The following C2 variants were observed in gnomAD, a reference collection of about 807,000 sequenced individuals.
The protein encoded by C2 is complement C2, also known as C3/C5 convertase.
C2 carries 64 observed loss-of-function variants against 85.2 expected under a neutral mutation model. The observed-to-expected ratio is 0.75, with a 90% CI of 0.61 to 0.92. The LOEUF (loss-of-function observed/expected upper bound fraction) is 0.92. Among genes scored for constraint, C2 ranks in the 40% least tolerant of loss-of-function variants. The pLI is 0.00. For missense variants in C2, 820 were observed against 971.6 expected (o/e 0.84, Z 2.07); for synonymous variants, 311 against 370.8 (o/e 0.84, Z 1.85).
intron 1 of C2, among the ~76,000 whole-genome samples, chr6:31,912,237 G>A (rs1005769019): frequency 6.6e-6 from 1 of 152,122 alleles, no homozygotes; most frequent in Non-Finnish European, 1.5e-5. Context: ...TGAAGCAGTT[G>A]TACACCAGCC....
At chr6:31,934,029 G>A in intron 5 of C2, 64 bp downstream of exon 5, 2 of 1,557,324 alleles carry the variant, frequency 1.3e-6, no homozygotes, top group Non-Finnish European at 1.8e-6. Context: ...AGCAAGGGAG[G>A]ATGCAACCTT....
chr6:31,906,646 T>C (rs1042762015), intron 1 of C2, among the ~76,000 whole-genome samples: 1 of 151,900 alleles, frequency 6.6e-6, no homozygotes, highest in Non-Finnish European at 1.5e-5. Context: ...TGCTACCCTA[T>C]GTCATCCTTG....
At chr6:31,938,767 C>G (rs962452760) in intron 8 of C2, among the ~76,000 whole-genome samples, 5 of 152,160 alleles carry the variant, frequency 3.3e-5, no homozygotes, top group Non-Finnish European at 4.4e-5. Flanking sequence ...TCAAGCGATT[C>G]TCCTGCCTCC....
intron 1 of C2, among the ~76,000 whole-genome samples, chr6:31,913,236 G>A (rs1768245500): frequency 6.6e-6 from 1 of 151,950 alleles, no homozygotes; most frequent in African/African-American, 2.4e-5. Flanking sequence ...ATGCCACCAT[G>A]CCTGACTGTA....
In C2 at chr6:31,943,358, A is replaced by G. The variant is rs2151771287; in HGVS notation, c.1455+39A>G. 6.2e-7 allele frequency: 1 copy of G among 1,609,464 alleles called. No individual in the cohort carries two copies. Reference sequence around the variant, plus strand: ...GGGGCAGGGCTTGGATTCCAGAGGTAAAAGCGGCCATGGGCCAGACATACT... The same window carrying G: ...GGGGCAGGGCTTGGATTCCAGAGGTGAAAGCGGCCATGGGCCAGACATACT... On this transcript the variant is annotated intron_variant, in intron 11 of 17. Coordinates refer to ENST00000299367, the MANE Select transcript of C2 (RefSeq NM_000063.6). The surrounding 1 kb of genome is among the most constrained non-coding windows in gnomAD (Gnocchi z 6.4).
chr6:31,902,754 C>T (rs1314186714), intron 1 of C2, among the ~76,000 whole-genome samples: 1 of 152,112 alleles, frequency 6.6e-6, no homozygotes, highest in Non-Finnish European at 1.5e-5. Flanking sequence ...AAATCACACC[C>T]GCCCTCCCCT....
Position 31,945,194 on chromosome 6 carries a change from G to T in C2, c.2096G>T (p.Trp699Leu). The T allele has an allele frequency of 6.2e-7, 1 of 1,612,890 alleles. No homozygotes were observed. Among genetic ancestry groups the T allele is most frequent in the Non-Finnish European group, 8.5e-7 (1 of 1,179,992 alleles). The change falls in exon 18 of 18, where the codon TGG becomes TTG. Residue 699 changes from tryptophan (W) to leucine (L), a missense_variant. Trp to Leu is a moderately conservative substitution (Grantham distance 61). Transcript: ENST00000299367. This position sits in a 1 kb window ranked among gnomAD's most constrained non-coding sequence, Gnocchi z 5.3. ...TTTCTCCAGGTGGGTCTGGTGAGCT[G>T]GGGTCTTTACAACCCCTGCCTTGGC... ...FRFFQVGLVS[W>L]GLYNPCLGSA...
At chr6:31,913,030 C>CAAA (rs34465217) in intron 1 of C2, among the ~76,000 whole-genome samples, 490 of 66,406 alleles carry the variant, frequency 7.4e-3, no homozygotes, top group African/African-American at 0.013. Flanking sequence ...CCTGTTTCCA[C>CAAA]AAAAAAAAAA....
Position 31,943,173 on chromosome 6 carries a change from G to A in C2, c.1361-52G>A. The A allele has an allele frequency of 2.5e-6, 4 of 1,612,414 alleles. No homozygotes were observed. The highest frequency in any genetic ancestry group is 1.6e-4 in the Middle Eastern group (1 of 6,062). On this transcript the variant is annotated intron_variant, in intron 10 of 17. Transcript: ENST00000299367. The surrounding 1 kb of genome is among the most constrained non-coding windows in gnomAD (Gnocchi z 6.4). The stretch of plus-strand genomic sequence containing the variant: ...GCCAGAGGCCCGTGTTGGGAACCTG[G>A]ACACAGTGCCCCTCACTTGCCTCCT...
At chr6:31,939,990 G>A (rs2151764880) in intron 9 of C2, among the ~76,000 whole-genome samples, 1 of 152,218 alleles carries the variant, frequency 6.6e-6, no homozygotes, top group Middle Eastern at 3.4e-3. Flanking sequence ...TTGGCAGTCT[G>A]GTGTCAAACC....
chr6:31,902,794 C>A (rs1235295391), intron 1 of C2, among the ~76,000 whole-genome samples: 1 of 152,186 alleles, frequency 6.6e-6, no homozygotes, highest in African/African-American at 2.4e-5. Flanking sequence ...CAACTTCTTG[C>A]CAAGGCAGTC....
chr6:31,902,463 G>A (rs1247225899), intron 1 of C2, among the ~76,000 whole-genome samples: 4 of 152,140 alleles, frequency 2.6e-5, no homozygotes, highest in Admixed American at 6.5e-5. Flanking sequence ...GGGGTGGTGC[G>A]TCTCCGGTCC....
intron 1 of C2, among the ~76,000 whole-genome samples, chr6:31,906,911 C>T (rs1005574704): frequency 2.0e-5 from 3 of 151,534 alleles, no homozygotes; most frequent in African/African-American, 2.4e-5. Flanking sequence ...CTGAGGTGGC[C>T]GGATCATTTG....
rs1767602813 is a variant in C2, at chr6:31,904,678, CAGA to C, written c.73+3544_73+3546del. Among the ~76,000 whole-genome samples the C allele has an allele frequency of 6.6e-6, 1 of 152,078 alleles. No individual in the cohort carries two copies. The highest frequency in any genetic ancestry group is 2.1e-4 in the South Asian group (1 of 4,820). On this transcript the variant is annotated intron_variant, in intron 1 of 3. Coordinates refer to the C2 transcript ENST00000452202. The surrounding 1 kb of genome is among the most constrained non-coding windows in gnomAD (Gnocchi z 4.4). ...TTCTTTTCCGCATTGCCAAACTTCT[CAGA>C]AGAATAGTTCACATTCCAGTGAGAG... is the stretch of plus-strand genomic sequence containing the variant.
At chr6:31,931,347 G>C (rs1769728689) in intron 3 of C2, among the ~76,000 whole-genome samples, 1 of 150,752 alleles carries the variant, frequency 6.6e-6, no homozygotes, top group African/African-American at 2.4e-5. Flanking sequence ...AATAGTGGAG[G>C]GAAGGTCAGC....
upstream of C2, among the ~76,000 whole-genome samples, chr6:31,915,903 G>A (rs983064458): frequency 1.3e-5 from 2 of 152,208 alleles, no homozygotes; most frequent in South Asian, 2.1e-4. Flanking sequence ...GCCTCAACTC[G>A]GTGTAGCGCT....
chr6:31,904,602 C>T lies in C2; in HGVS notation c.73+3463C>T, dbSNP rs1175175486. On this transcript the variant is annotated intron_variant, in intron 1 of 3. Transcript: ENST00000452202. This position sits in a 1 kb window ranked among gnomAD's most constrained non-coding sequence, Gnocchi z 4.4. ...GTGTTGGGATTACAGGCGTGAGCCA[C>T]TGCGCCTGACCCAAAAGAACTTTAA... Among the ~76,000 whole-genome samples, 2 of 152,080 alleles carry T rather than the reference C, an allele frequency of 1.3e-5. No homozygotes were observed.
chr6:31,937,537 T>A (rs773287079), intron 8 of C2, 78 bp downstream of exon 8: 69 of 1,558,506 alleles, frequency 4.4e-5, no homozygotes, highest in Non-Finnish European at 5.7e-5. Context: ...TGAATTCTGA[T>A]TCTCCCTCTG....
rs1770359248 is a variant in C2, at chr6:31,935,824, C to T, written c.850-99C>T. ...GGTCCTTGCCTCTGTCGGTCTCACT[C>T]CAGTTTCTCTGCCTCCTCCAGGGCC... On this transcript the variant is annotated intron_variant, in intron 6 of 17. Coordinates refer to ENST00000299367, the MANE Select transcript of C2 (RefSeq NM_000063.6). The surrounding 1 kb of genome is among the most constrained non-coding windows in gnomAD (Gnocchi z 4.3). The T allele has an allele frequency of 1.5e-6, 2 of 1,346,984 alleles. No homozygotes were observed. The highest frequency in any genetic ancestry group is 1.1e-6 in the Non-Finnish European group (1 of 948,402). The allele number at this position is 1,346,984 out of a possible 1,614,324, so 83.4% of individuals were successfully genotyped here.
Sources: gnomAD v4.1 joint callset for allele counts (sites outside exome capture counted in the v4.1 genomes callset) on GRCh38, gnomAD v4.1.1 for gene constraint, Gnocchi (gnomAD v3.1) non-coding constraint, MANE v1.5 for transcripts, NCBI Gene and HGNC (gene_info 2026-07-23, HGNC 2026-07-21) for gene names.